Variants in LRRC7 observed in about 807,000 individuals in gnomAD.
LRRC7 encodes leucine-rich repeat-containing protein 7.
LRRC7 carries 23 observed loss-of-function variants against 175.7 expected under a neutral mutation model. That is an observed-to-expected ratio of 0.13 (90% CI 0.09 to 0.19). LRRC7 has a LOEUF of 0.19. Among genes scored for constraint, LRRC7 ranks in the 10% least tolerant of loss-of-function variants. LRRC7 has a pLI of 1.00. For synonymous variants in LRRC7, 685 were observed against 680.9 expected (o/e 1.01, Z -0.09); for missense variants, 1,354 against 1,904.7 (o/e 0.71, Z 5.38).
intron 8 of LRRC7, among the ~76,000 whole-genome samples, chr1:69,979,188 A>G (rs926636118): frequency 6.6e-6 from 1 of 152,230 alleles, no homozygotes. Flanking sequence ...CTCTGTGGCC[A>G]GGTGGATACA....
At chr1:69,671,785 C>T (rs1168532582) in intron 1 of LRRC7, among the ~76,000 whole-genome samples, 1 of 152,112 alleles carries the variant, frequency 6.6e-6, no homozygotes, top group Non-Finnish European at 1.5e-5. Context: ...ATGACAGGGG[C>T]AGCATTGAGT....
intron 7 of LRRC7, among the ~76,000 whole-genome samples, chr1:69,871,392 T>C (rs1685517417): frequency 6.6e-6 from 1 of 151,984 alleles, no homozygotes; most frequent in Non-Finnish European, 1.5e-5. Context: ...GACAAAACAC[T>C]AAGATTCAAT....
intron 7 of LRRC7, among the ~76,000 whole-genome samples, chr1:69,877,101 G>T (rs1320425604): frequency 2.6e-5 from 4 of 152,134 alleles, no homozygotes; most frequent in African/African-American, 9.7e-5. Context: ...GCACGAGGAA[G>T]GAGTAACCAT....
chr1:69,897,409 T>C (rs1474572174), intron 7 of LRRC7, among the ~76,000 whole-genome samples: 1 of 152,180 alleles, frequency 6.6e-6, no homozygotes, highest in East Asian at 1.9e-4. Flanking sequence ...CTTACCCTGC[T>C]TTATTTTTTT....
intron 3 of LRRC7, among the ~76,000 whole-genome samples, chr1:69,765,713 T>C (rs1204121603): frequency 2.0e-5 from 3 of 152,220 alleles, no homozygotes; most frequent in Admixed American, 6.6e-5. Context: ...GCATTCATCG[T>C]CACTGTCTTA....
intron 8 of LRRC7, among the ~76,000 whole-genome samples, chr1:69,947,743 C>T (rs1386591459): frequency 2.6e-5 from 4 of 152,078 alleles, no homozygotes; most frequent in African/African-American, 2.4e-5. Context: ...CAACAGATGC[C>T]TGAAACTGTG....
At chr1:70,041,563 GC>G (rs1659896809) in intron 21 of LRRC7, among the ~76,000 whole-genome samples, 1 of 152,166 alleles carries the variant, frequency 6.6e-6, no homozygotes, top group Admixed American at 6.5e-5. Context: ...AATATTTGGG[GC>G]CAAATAATAC....
At chr1:69,693,620 A>C (rs1662185694) in intron 2 of LRRC7, among the ~76,000 whole-genome samples, 1 of 53,268 alleles carries the variant, frequency 1.9e-5, no homozygotes. Flanking sequence ...TTTTACTCTA[A>C]ATCCAATTTA....
intron 8 of LRRC7, among the ~76,000 whole-genome samples, chr1:69,946,281 G>A (rs949105981): frequency 1.3e-5 from 2 of 152,014 alleles, no homozygotes; most frequent in African/African-American, 4.8e-5. Flanking sequence ...TTCAAATATT[G>A]ATTTGCACAT....
chr1:69,867,218 A>G (rs1309155947), intron 7 of LRRC7, among the ~76,000 whole-genome samples: 1 of 152,180 alleles, frequency 6.6e-6, no homozygotes, highest in African/African-American at 2.4e-5. Flanking sequence ...GTATTTAGAC[A>G]TGTTATATAT....
At chr1:70,064,226 T>C (rs1407055409) in intron 23 of LRRC7, among the ~76,000 whole-genome samples, 1 of 151,914 alleles carries the variant, frequency 6.6e-6, no homozygotes, top group East Asian at 1.9e-4. Context: ...GACACTGAAA[T>C]GGGAGAACAT....
At chr1:70,002,364 T>C (rs1655617468) in intron 11 of LRRC7, among the ~76,000 whole-genome samples, 1 of 152,200 alleles carries the variant, frequency 6.6e-6, no homozygotes, top group Non-Finnish European at 1.5e-5. Context: ...TTAATAGCTA[T>C]GACATAAAAG....
chr1:69,724,413 C>G (rs992462), intron 2 of LRRC7, among the ~76,000 whole-genome samples: 100,013 of 152,008 alleles, frequency 0.66, 33,579 homozygotes, highest in African/African-American at 0.79. Context: ...ATAAATGTGA[C>G]AGCAGTTTGA....
chr1:69,702,305 A>G (rs1294120282), intron 2 of LRRC7, among the ~76,000 whole-genome samples: 2 of 152,218 alleles, frequency 1.3e-5, no homozygotes, highest in African/African-American at 4.8e-5. Context: ...CATCAAGTGC[A>G]TCAGTTCTTA....
intron 16 of LRRC7, among the ~76,000 whole-genome samples, chr1:70,022,675 GC>G (rs1368673307): frequency 1.3e-5 from 2 of 152,068 alleles, no homozygotes; most frequent in African/African-American, 4.8e-5. Context: ...AATGCCATTG[GC>G]TATTGGACAA....
At chr1:69,860,446 AT>A (rs977588222) in intron 7 of LRRC7, among the ~76,000 whole-genome samples, 2 of 152,020 alleles carry the variant, frequency 1.3e-5, no homozygotes, top group Non-Finnish European at 2.9e-5. Context: ...TGGATTAGGG[AT>A]TCAAAGACAG....
chr1:70,074,550 G>T (rs1284652430), intron 23 of LRRC7, among the ~76,000 whole-genome samples: 1 of 152,174 alleles, frequency 6.6e-6, no homozygotes, highest in Non-Finnish European at 1.5e-5. Context: ...GGACAGAGTT[G>T]GATTGATAAT....
chr1:69,864,630 G>A (rs958376212), intron 7 of LRRC7, among the ~76,000 whole-genome samples: 15 of 152,228 alleles, frequency 9.9e-5, no homozygotes, highest in Middle Eastern at 3.4e-3. Context: ...GGGTAACATG[G>A]CAATTAAATC....
At chr1:69,909,431 G>A (rs1222360628) in intron 7 of LRRC7, among the ~76,000 whole-genome samples, 18 of 152,092 alleles carry the variant, frequency 1.2e-4, no homozygotes, top group East Asian at 9.6e-4. Context: ...TCCATGTTTA[G>A]TGCTTCCTTC....
Sources: gnomAD v4.1 joint callset for allele counts (sites outside exome capture counted in the v4.1 genomes callset) on GRCh38, gnomAD v4.1.1 for gene constraint, MANE v1.5 for transcripts, NCBI Gene and HGNC (gene_info 2026-07-23, HGNC 2026-07-21) for gene names.